Variants in MAGI3 observed in about 807,000 individuals in gnomAD.
MAGI3 encodes membrane associated guanylate kinase, WW and PDZ domain containing 3.
Under a neutral mutation model 121.8 loss-of-function variants are expected in MAGI3, and 43 were observed. That is an observed-to-expected ratio of 0.35 (90% CI 0.28 to 0.46). The LOEUF is 0.46. Among genes scored for constraint, MAGI3 ranks in the 20% least tolerant of loss-of-function variants. The probability of loss-of-function intolerance (pLI) is 1.00; values close to 1 mark genes in which losing one functional copy is unlikely to be tolerated. For synonymous variants in MAGI3, 553 were observed against 639.3 expected (o/e 0.86, Z 2.04); for missense variants, 1,547 against 1,797.3 (o/e 0.86, Z 2.52).
chr1:113,557,219 C>T (rs1010351075), intron 2 of MAGI3, among the ~76,000 whole-genome samples: 11 of 152,160 alleles, frequency 7.2e-5, no homozygotes, highest in Non-Finnish European at 8.8e-5. Flanking sequence ...GGATCACTTC[C>T]TTCTCACTGG....
chr1:113,454,155 A>G (rs1654630696), intron 1 of MAGI3, among the ~76,000 whole-genome samples: 1 of 152,362 alleles, frequency 6.6e-6, no homozygotes, highest in East Asian at 1.9e-4. Flanking sequence ...AAATTCAAAT[A>G]GAATTATAAA....
intron 1 of MAGI3, chr1:113,450,258 T>G: frequency 6.2e-7 from 1 of 1,602,474 alleles, no homozygotes; most frequent in South Asian, 1.1e-5. Context: ...AGATGCAGTC[T>G]GCTGGATCAC....
At chr1:113,544,210 T>C (rs1171016122) in intron 1 of MAGI3, among the ~76,000 whole-genome samples, 1 of 152,214 alleles carries the variant, frequency 6.6e-6, no homozygotes, top group Non-Finnish European at 1.5e-5. Context: ...ACCACTTTCA[T>C]GGAGGCTTCC....
chr1:113,462,851 T>G (rs756174984), intron 1 of MAGI3, among the ~76,000 whole-genome samples: 6 of 152,122 alleles, frequency 3.9e-5, no homozygotes, highest in Non-Finnish European at 8.8e-5. Context: ...GAATAACTGA[T>G]AAATAATGAT....
At chr1:113,522,530 A>G (rs1658249067) in intron 1 of MAGI3, among the ~76,000 whole-genome samples, 1 of 152,158 alleles carries the variant, frequency 6.6e-6, no homozygotes, top group African/African-American at 2.4e-5. Context: ...TTAACCTCTT[A>G]ATACCTCTGG....
At chr1:113,575,935 T>C (rs1349348974) in intron 2 of MAGI3, among the ~76,000 whole-genome samples, 1 of 152,194 alleles carries the variant, frequency 6.6e-6, no homozygotes, top group Non-Finnish European at 1.5e-5. Context: ...GCCGTTTTTC[T>C]GCGCTGCAGT....
At chr1:113,592,647 G>A (rs1046077084) in intron 5 of MAGI3, among the ~76,000 whole-genome samples, 1 of 151,970 alleles carries the variant, frequency 6.6e-6, no homozygotes, top group Admixed American at 6.6e-5. Context: ...TTCTCTAATA[G>A]CATGAGTAAT....
At chr1:113,647,862 A>G (rs1557873191) in intron 12 of MAGI3, among the ~76,000 whole-genome samples, 1 of 152,154 alleles carries the variant, frequency 6.6e-6, no homozygotes, top group Non-Finnish European at 1.5e-5. Flanking sequence ...TAATACTGGT[A>G]TAAACTCTGC....
intron 2 of MAGI3, among the ~76,000 whole-genome samples, chr1:113,562,990 T>G (rs1660300336): frequency 6.6e-6 from 1 of 152,218 alleles, no homozygotes; most frequent in African/African-American, 2.4e-5. Flanking sequence ...AACATGATTC[T>G]GATTCTAAAA....
chr1:113,443,976 C>A (rs1654042557), intron 1 of MAGI3, among the ~76,000 whole-genome samples: 2 of 152,186 alleles, frequency 1.3e-5, no homozygotes, highest in Admixed American at 6.5e-5. Context: ...GAAGGTCTTA[C>A]CTCACCTAGA....
intron 1 of MAGI3, among the ~76,000 whole-genome samples, chr1:113,505,706 A>G (rs1240120337): frequency 6.6e-6 from 1 of 152,190 alleles, no homozygotes; most frequent in Non-Finnish European, 1.5e-5. Flanking sequence ...TGAATTTGAC[A>G]AAAGAGCTGA....
At chr1:113,667,026 A>G (rs1654076371) in intron 16 of MAGI3, among the ~76,000 whole-genome samples, 1 of 152,208 alleles carries the variant, frequency 6.6e-6, no homozygotes, top group African/African-American at 2.4e-5. Context: ...CTGTAAACAG[A>G]TGTGCTGTCA....
intron 1 of MAGI3, among the ~76,000 whole-genome samples, chr1:113,487,481 AG>A (rs1158298216): frequency 1.3e-5 from 2 of 152,192 alleles, no homozygotes. Context: ...AACCTTGAGC[AG>A]TAGGATAAAA....
chr1:113,654,374 GTAGAAAA>G (rs1653357404), intron 15 of MAGI3, among the ~76,000 whole-genome samples: 1 of 152,184 alleles, frequency 6.6e-6, no homozygotes, highest in African/African-American at 2.4e-5. Context: ...AATCGTGTAT[GTAGAAAA>G]TAGAGACTAG....
intron 16 of MAGI3, among the ~76,000 whole-genome samples, chr1:113,661,973 A>C (rs953883853): frequency 1.3e-5 from 2 of 152,246 alleles, no homozygotes; most frequent in African/African-American, 4.8e-5. Flanking sequence ...TGGAGTTTGT[A>C]AGCCTTCCAG....
chr1:113,578,692 T>C (rs1025762156), intron 2 of MAGI3, among the ~76,000 whole-genome samples: 7 of 152,168 alleles, frequency 4.6e-5, no homozygotes, highest in African/African-American at 1.7e-4. Flanking sequence ...AGCTGTTGAT[T>C]CAGAGAATCT....
At chr1:113,568,612 C>T (rs896156613) in intron 2 of MAGI3, among the ~76,000 whole-genome samples, 1 of 152,016 alleles carries the variant, frequency 6.6e-6, no homozygotes, top group Non-Finnish European at 1.5e-5. Flanking sequence ...CCAGAATGGT[C>T]AGTAGATAGA....
chr1:113,618,407 AT>A, intron 7 of MAGI3: 1 of 357,224 alleles, frequency 2.8e-6, no homozygotes, highest in East Asian at 9.2e-5. Context: ...TTATATGTAC[AT>A]TTTGTAATAT....
intron 9 of MAGI3, among the ~76,000 whole-genome samples, chr1:113,641,179 T>G (rs887922943): frequency 7.0e-6 from 1 of 142,292 alleles, no homozygotes; most frequent in African/African-American, 2.6e-5. Flanking sequence ...TCTATATATA[T>G]ATCAGGGGTG....
Sources: gnomAD v4.1 joint callset for allele counts (sites outside exome capture counted in the v4.1 genomes callset) on GRCh38, gnomAD v4.1.1 for gene constraint, MANE v1.5 for transcripts, NCBI Gene and HGNC (gene_info 2026-07-23, HGNC 2026-07-21) for gene names.